MAPK4: variants seen among roughly 807,000 people sequenced by gnomAD.
MAPK4 encodes Erk3-related.
MAPK4 carries 22 observed loss-of-function variants against 47.7 expected under a neutral mutation model. The ratio of observed to expected loss-of-function variants is 0.46; its 90% confidence interval spans 0.33 to 0.66. The LOEUF (loss-of-function observed/expected upper bound fraction) is 0.66, where lower values mean the gene tolerates loss of function less well. MAPK4 is among the 30% of genes least tolerant of loss of function. The pLI, the probability that MAPK4 is intolerant of heterozygous loss-of-function variation, is 0.02. For missense variants in MAPK4, 736 were observed against 831.7 expected, an observed-to-expected ratio of 0.88 and a Z score of 1.42; for synonymous variants, 390 against 365.7, an observed-to-expected ratio of 1.07 and a Z score of -0.76.
In MAPK4 at chr18:50,664,184, A is replaced by C; in HGVS notation, c.226A>C (p.Asn76His). The C allele has an allele frequency of 6.2e-7, 1 of 1,614,040 alleles. No individual in the cohort carries two copies. Among genetic ancestry groups the C allele is most frequent in the Non-Finnish European group, 8.5e-7 (1 of 1,180,002 alleles). Residue 76 changes from asparagine (N) to histidine (H), a missense_variant, in exon 2 of 6, where the codon AAC becomes CAC. Asn to His is a moderately conservative substitution (Grantham distance 68, BLOSUM62 1). This residue lies in a region of MAPK4 where 327 missense variants were observed against 395.4 expected (regional missense o/e 0.83). Coordinates refer to ENST00000400384, the MANE Select transcript of MAPK4 (RefSeq NM_002747.4). This position sits in a 1 kb window ranked among gnomAD's most constrained non-coding sequence, Gnocchi z 6.0. ...IKIIRRLDHD[N>H]IVKVYEVLGP... ...GATCATTCGGCGCCTGGACCACGAC[A>C]ACATCGTCAAAGTGTACGAGGTGCT... is the stretch of plus-strand genomic sequence containing the variant.
intron 5 of MAPK4, among the ~76,000 whole-genome samples, chr18:50,727,076 C>T (rs530032759): frequency 4.6e-5 from 7 of 152,336 alleles, no homozygotes; most frequent in African/African-American, 1.7e-4. Flanking sequence ...CTGGAAGCCA[C>T]TACCAATGAA....
intron 2 of MAPK4, among the ~76,000 whole-genome samples, chr18:50,670,786 T>C (rs920931157): frequency 2.7e-5 from 4 of 149,324 alleles, no homozygotes; most frequent in Non-Finnish European, 5.9e-5. Flanking sequence ...TCAACTAGTG[T>C]AGTGGTTCTC....
intron 1 of MAPK4, among the ~76,000 whole-genome samples, chr18:50,638,052 G>A (rs758439996): frequency 5.3e-5 from 8 of 152,202 alleles, no homozygotes; most frequent in Non-Finnish European, 1.2e-4. Flanking sequence ...TGCATGTAAA[G>A]GTCCTGACTT....
chr18:50,577,552 C>T (rs1332437043), intron 1 of MAPK4, among the ~76,000 whole-genome samples: 1 of 152,228 alleles, frequency 6.6e-6, no homozygotes, highest in East Asian at 1.9e-4. Context: ...ATTGCAATCC[C>T]CTGTGTTAAC....
chr18:50,727,632 T>A (rs1294547666), intron 5 of MAPK4, among the ~76,000 whole-genome samples: 1 of 152,102 alleles, frequency 6.6e-6, no homozygotes, highest in Non-Finnish European at 1.5e-5. Flanking sequence ...ATCCTATACT[T>A]TCTGCGACTG....
chr18:50,622,144 C>T (rs1470826668), intron 1 of MAPK4, among the ~76,000 whole-genome samples: 2 of 152,088 alleles, frequency 1.3e-5, no homozygotes, highest in Non-Finnish European at 2.9e-5. Flanking sequence ...AGGGAGAAGC[C>T]CTGAGGTGGT....
At chr18:50,615,118 G>A (rs1031434258) in intron 1 of MAPK4, among the ~76,000 whole-genome samples, 2 of 152,152 alleles carry the variant, frequency 1.3e-5, no homozygotes, top group Admixed American at 6.5e-5. Flanking sequence ...TGGATGTTCA[G>A]GTGCCCACTC....
chr18:50,669,732 A>G (rs1233372390), intron 2 of MAPK4: 4 of 152,272 alleles, frequency 2.6e-5, no homozygotes, highest in Non-Finnish European at 5.9e-5. Context: ...TTCTAAAATT[A>G]GGTGGGTATG....
intron 1 of MAPK4, among the ~76,000 whole-genome samples, chr18:50,628,341 G>A (rs2042799650): frequency 1.3e-5 from 2 of 152,262 alleles, no homozygotes; most frequent in South Asian, 2.1e-4. Flanking sequence ...CAGGCCACAG[G>A]GAGTAGAAAT....
At chr18:50,598,874 T>C (rs932694886) in intron 1 of MAPK4, among the ~76,000 whole-genome samples, 3 of 152,162 alleles carry the variant, frequency 2.0e-5, no homozygotes, top group African/African-American at 7.2e-5. Context: ...GGTTAGTGGG[T>C]TTTTGGGGGA....
chr18:50,685,530 T>C (rs1166187172), intron 2 of MAPK4, among the ~76,000 whole-genome samples: 2 of 152,186 alleles, frequency 1.3e-5, no homozygotes, highest in Admixed American at 1.3e-4. Flanking sequence ...CGTAGAGAAA[T>C]GAATGTGCAG....
At chr18:50,575,376 A>G (rs77310792) in intron 1 of MAPK4, among the ~76,000 whole-genome samples, 33,950 of 152,202 alleles carry the variant, frequency 0.22, 3,845 homozygotes, top group South Asian at 0.32. Context: ...TTTGCAGAAC[A>G]AATGGACTAA....
At chr18:50,649,009 G>A (rs1036539456) in intron 1 of MAPK4, among the ~76,000 whole-genome samples, 3 of 152,130 alleles carry the variant, frequency 2.0e-5, no homozygotes, top group African/African-American at 7.2e-5. Context: ...TGATCCACAG[G>A]GTGAAAAGAG....
At chr18:50,622,996 CTA>C in intron 1 of MAPK4, among the ~76,000 whole-genome samples, 1 of 152,340 alleles carries the variant, frequency 6.6e-6, no homozygotes, top group Middle Eastern at 3.4e-3. Context: ...AGTAAGATAA[CTA>C]TCTCCTGTGT....
chr18:50,640,175 T>C (rs1023569651), intron 1 of MAPK4, among the ~76,000 whole-genome samples: 2 of 152,190 alleles, frequency 1.3e-5, no homozygotes, highest in Non-Finnish European at 2.9e-5. Context: ...ACACTAGCAG[T>C]AGAAGAGTCC....
intron 1 of MAPK4, among the ~76,000 whole-genome samples, chr18:50,574,896 T>G (rs1274255857): frequency 1.3e-5 from 2 of 152,212 alleles, no homozygotes; most frequent in Admixed American, 1.3e-4. Context: ...AACATCAATG[T>G]GAAAGGAGGG....
At chr18:50,605,478 A>G (rs2042574946) in intron 1 of MAPK4, among the ~76,000 whole-genome samples, 1 of 152,200 alleles carries the variant, frequency 6.6e-6, no homozygotes, top group African/African-American at 2.4e-5. Flanking sequence ...CAACAAAACC[A>G]GTCAGCAGTG....
chr18:50,722,036 G>A lies in MAPK4; in HGVS notation c.790G>A (p.Val264Ile), dbSNP rs1040505157. The change falls in exon 4 of 6, where the codon GTC becomes ATC. Residue 264 changes from valine to isoleucine, a missense_variant. Physicochemically the swap from Val to Ile is conservative, Grantham distance 29. Transcript: ENST00000400384. ...DELLRVMPSF[V>I]SSTWEVKRPL... Reference sequence around the variant, plus strand: ...GCTGCTCAGGGTGATGCCTTCCTTTGTCAGCAGCACCTGGGAGGTGAAGAG... The same window carrying A: ...GCTGCTCAGGGTGATGCCTTCCTTTATCAGCAGCACCTGGGAGGTGAAGAG... 3.1e-6 allele frequency: 5 copies of A among 1,613,772 alleles called. No individual in the cohort carries two copies. In the African/African-American group the frequency reaches 4.0e-5, roughly 13 times the overall value.
intron 1 of MAPK4, among the ~76,000 whole-genome samples, chr18:50,616,175 G>T (rs539438764): frequency 1.3e-5 from 2 of 152,132 alleles, no homozygotes; most frequent in Admixed American, 6.5e-5. Flanking sequence ...TCTTCCTTTG[G>T]GGGGATAAAA....
Sources: allele counts gnomAD v4.1 joint callset (sites outside exome capture counted in the v4.1 genomes callset), GRCh38; gene constraint gnomAD v4.1.1; regional missense constraint gnomAD v4.1.1; non-coding constraint Gnocchi (gnomAD v3.1); transcripts MANE v1.5; gene names NCBI Gene and HGNC (gene_info 2026-07-23, HGNC 2026-07-21).